RIMS1: variants seen among roughly 807,000 people sequenced by gnomAD.
The protein encoded by RIMS1 is regulating synaptic membrane exocytosis 1.
Under a neutral mutation model 214.1 loss-of-function variants are expected in RIMS1, and 83 were observed. That is an observed-to-expected ratio of 0.39 (90% confidence interval 0.32 to 0.47). RIMS1 has a LOEUF of 0.47. RIMS1 is among the 20% of genes least tolerant of loss of function. The pLI, the probability that RIMS1 is intolerant of heterozygous loss-of-function variation, is 0.99. For synonymous variants in RIMS1, 793 were observed against 786.8 expected (o/e 1.01, Z -0.13); for missense variants, 2,050 against 2,161.8 (o/e 0.95, Z 1.03).
intron 1 of RIMS1, among the ~76,000 whole-genome samples, chr6:71,917,292 G>C (rs1376549027): frequency 3.3e-5 from 5 of 152,124 alleles, no homozygotes; most frequent in Middle Eastern, 3.2e-3. Context: ...AAGGGATAGA[G>C]AAAAATAGGA....
chr6:71,944,128 T>C (rs895960231), intron 1 of RIMS1, among the ~76,000 whole-genome samples: 6 of 152,350 alleles, frequency 3.9e-5, no homozygotes, highest in Non-Finnish European at 8.8e-5. Flanking sequence ...AATACTATTA[T>C]GGTTAATGTA....
chr6:72,202,629 GA>G (rs2052199546), intron 6 of RIMS1, among the ~76,000 whole-genome samples: 1 of 152,210 alleles, frequency 6.6e-6, no homozygotes, highest in South Asian at 2.1e-4. Flanking sequence ...TAGGAGGAAA[GA>G]GACCAAGTCC....
intron 8 of RIMS1, among the ~76,000 whole-genome samples, chr6:72,237,564 T>C (rs2064760831): frequency 6.6e-6 from 1 of 151,702 alleles, no homozygotes; most frequent in East Asian, 1.9e-4. Context: ...TGGTCTAGGC[T>C]ACTTGGTAGG....
rs1563201740 is a variant in RIMS1, at chr6:72,260,718, C to G, written c.3067C>G (p.Leu1023Val). ...CTGTCTGTGCAGTGAGCTTCTTATG[C>G]TGCCCAGAGCAAAACGAGGACGAAG... ...LSEQDSELLM[L>V]PRAKRGRSAE... The change falls in exon 19 of 34, where the codon CTG becomes GTG. Residue 1023 changes from leucine (L) to valine (V), a missense_variant. Physicochemically the swap from Leu to Val is conservative, Grantham distance 32 (BLOSUM62 1). Transcript: ENST00000521978. 6.2e-7 allele frequency: 1 copy of G among 1,612,400 alleles called. No homozygotes were observed. The highest frequency in any genetic ancestry group is 2.2e-5 in the East Asian group (1 of 44,826).
At chr6:72,143,464 A>G (rs377119263) in intron 4 of RIMS1, among the ~76,000 whole-genome samples, 2 of 152,290 alleles carry the variant, frequency 1.3e-5, no homozygotes, top group East Asian at 1.9e-4. Flanking sequence ...TGGCCTTGGT[A>G]TTTGGGAAAA....
At position 72,259,172 on chromosome 6, in the gene RIMS1, G is replaced by T; in HGVS notation, c.3053+61G>T. 1.4e-6 allele frequency: 2 copies of T among 1,445,020 alleles called. 1 individual carries two copies. The highest frequency in any genetic ancestry group is 1.9e-6 in the Non-Finnish European group (2 of 1,043,994). The allele number at this position is 1,445,020 out of a possible 1,614,324, so 89.5% of individuals were successfully genotyped here. A position where few individuals can be genotyped will look rare whatever the true frequency, so the allele number is the denominator to read the frequency against. ...TTTTTGTTCTGTTTTAATATATACA[G>T]ATATTGTGGCATAGCACATTAGAGA... On this transcript the variant is annotated intron_variant, in intron 18 of 33. Coordinates refer to ENST00000521978, the MANE Select transcript of RIMS1 (RefSeq NM_014989.7).
intron 29 of RIMS1, among the ~76,000 whole-genome samples, chr6:72,374,591 G>T (rs141889088): frequency 3.0e-4 from 45 of 152,234 alleles, no homozygotes; most frequent in African/African-American, 1.1e-3. Flanking sequence ...GTAGATCTCA[G>T]TGCCAGTCTG....
chr6:72,103,524 A>G (rs1320015355), intron 4 of RIMS1, among the ~76,000 whole-genome samples: 1 of 152,154 alleles, frequency 6.6e-6, no homozygotes, highest in Admixed American at 6.6e-5. Flanking sequence ...TCATAGTAGG[A>G]CTATGGGAGC....
intron 2 of RIMS1, among the ~76,000 whole-genome samples, chr6:72,053,633 C>T (rs569251205): frequency 3.5e-4 from 53 of 152,214 alleles, no homozygotes; most frequent in Non-Finnish European, 6.8e-4. Flanking sequence ...CATTTCATTC[C>T]TTTGTGAAGA....
intron 2 of RIMS1, among the ~76,000 whole-genome samples, chr6:72,080,371 C>G (rs1019373899): frequency 2.0e-5 from 3 of 152,180 alleles, no homozygotes; most frequent in African/African-American, 7.2e-5. Context: ...GAAGATGTAA[C>G]TGAACACTCC....
chr6:72,264,442 A>G (rs770927374), intron 19 of RIMS1, among the ~76,000 whole-genome samples: 3 of 152,138 alleles, frequency 2.0e-5, no homozygotes, highest in Non-Finnish European at 4.4e-5. Context: ...ATAAGTAGAA[A>G]GAGCTTGCTC....
At chr6:72,364,111 C>T (rs1181350822) in intron 29 of RIMS1, among the ~76,000 whole-genome samples, 1 of 152,222 alleles carries the variant, frequency 6.6e-6, no homozygotes, top group Non-Finnish European at 1.5e-5. Flanking sequence ...ATAGGCCAAG[C>T]CCTCTCTTTT....
chr6:72,185,418 G>A (rs2048958124), intron 6 of RIMS1, among the ~76,000 whole-genome samples: 1 of 152,024 alleles, frequency 6.6e-6, no homozygotes, highest in African/African-American at 2.4e-5. Flanking sequence ...AGAGATTGTG[G>A]ATATGATGAA....
intron 29 of RIMS1, among the ~76,000 whole-genome samples, chr6:72,339,926 C>T (rs2096992151): frequency 6.6e-6 from 1 of 152,016 alleles, no homozygotes; most frequent in South Asian, 2.1e-4. Context: ...TCCTATTTCT[C>T]CACATCCTCT....
intron 31 of RIMS1, among the ~76,000 whole-genome samples, chr6:72,393,775 T>C (rs772997048): frequency 6.6e-5 from 10 of 151,912 alleles, no homozygotes; most frequent in Admixed American, 1.3e-4. Flanking sequence ...CGTATTTTCA[T>C]TGGATTCTTC....
chr6:71,940,046 T>A (rs996007384), intron 1 of RIMS1, among the ~76,000 whole-genome samples: 1 of 152,224 alleles, frequency 6.6e-6, no homozygotes, highest in Non-Finnish European at 1.5e-5. Flanking sequence ...ACTGTGTTGC[T>A]ATGAACATTA....
At chr6:72,317,230 G>A in intron 28 of RIMS1, 2 of 298,892 alleles carry the variant, frequency 6.7e-6, no homozygotes, top group Non-Finnish European at 1.3e-5. Context: ...GGGACTGGGA[G>A]CATCTCGCAG....
intron 2 of RIMS1, among the ~76,000 whole-genome samples, chr6:72,048,131 C>G (rs1038662219): frequency 1.3e-5 from 2 of 152,000 alleles, no homozygotes; most frequent in Non-Finnish European, 2.9e-5. Context: ...TTTTTAAGTA[C>G]GAATGGTGGA....
intron 8 of RIMS1, among the ~76,000 whole-genome samples, chr6:72,236,783 TAAAAA>T (rs11326772): frequency 3.1e-5 from 4 of 128,492 alleles, no homozygotes; most frequent in African/African-American, 2.9e-5. Context: ...GCTGATGAGC[TAAAAA>T]AAAAAAAAAA....
Sources: gnomAD v4.1 joint callset for allele counts (sites outside exome capture counted in the v4.1 genomes callset) on GRCh38, gnomAD v4.1.1 for gene constraint, MANE v1.5 for transcripts, NCBI Gene and HGNC (gene_info 2026-07-23, HGNC 2026-07-21) for gene names.